The following GRID2 variants were observed in gnomAD, a reference collection of about 807,000 sequenced individuals.
The protein encoded by GRID2 is glutamate receptor ionotropic, delta-2.
GRID2 carries 33 observed loss-of-function variants against 114.8 expected under a neutral mutation model. That is an observed-to-expected ratio of 0.29 (90% confidence interval 0.22 to 0.38). The LOEUF is 0.38. GRID2 is among the 10% of genes least tolerant of loss of function. The pLI is 1.00. For missense variants in GRID2, 1,184 were observed against 1,257.7 expected, an observed-to-expected ratio of 0.94 and a Z score of 0.89; for synonymous variants, 505 against 449.9, an observed-to-expected ratio of 1.12 and a Z score of -1.55.
chr4:92,774,821 T>G (rs540146092), intron 2 of GRID2, among the ~76,000 whole-genome samples: 1 of 152,136 alleles, frequency 6.6e-6, no homozygotes, highest in South Asian at 2.1e-4. Context: ...GTCTCAAACC[T>G]CTGGGCTCAA....
At chr4:93,150,093 T>A (rs545638715) in intron 4 of GRID2, among the ~76,000 whole-genome samples, 1 of 152,220 alleles carries the variant, frequency 6.6e-6, no homozygotes, top group African/African-American at 2.4e-5. Context: ...GCTAGAAAAA[T>A]ATTTTTTTAA....
At chr4:92,832,617 A>C (rs1046976121) in intron 2 of GRID2, among the ~76,000 whole-genome samples, 4 of 151,936 alleles carry the variant, frequency 2.6e-5, no homozygotes, top group African/African-American at 7.3e-5. Flanking sequence ...TGGTCTCAAA[A>C]TCCCGACCTC....
chr4:92,641,860 A>C (rs1731371902), intron 2 of GRID2, among the ~76,000 whole-genome samples: 1 of 149,468 alleles, frequency 6.7e-6, no homozygotes, highest in Non-Finnish European at 1.5e-5. Context: ...TTTTCCTTCC[A>C]CTTATAAATG....
chr4:92,610,238 G>A (rs562103881), intron 2 of GRID2, among the ~76,000 whole-genome samples: 53 of 151,690 alleles, frequency 3.5e-4, no homozygotes, highest in Non-Finnish European at 5.8e-4. Flanking sequence ...GTTTTACCAG[G>A]CAGATGGGGA....
At chr4:93,632,373 C>A (rs1280819694) in intron 14 of GRID2, among the ~76,000 whole-genome samples, 1 of 152,122 alleles carries the variant, frequency 6.6e-6, no homozygotes, top group African/African-American at 2.4e-5. Context: ...GTCTTTGATC[C>A]ATCTTGAATG....
At chr4:92,630,352 A>G (rs1730742764) in intron 2 of GRID2, among the ~76,000 whole-genome samples, 1 of 152,112 alleles carries the variant, frequency 6.6e-6, no homozygotes. Context: ...AACTTCTTAT[A>G]TCTCAGTTAT....
At chr4:92,935,109 A>G (rs1461047980) in intron 2 of GRID2, among the ~76,000 whole-genome samples, 1 of 146,598 alleles carries the variant, frequency 6.8e-6, no homozygotes, top group African/African-American at 2.4e-5. Context: ...GCAACCTACA[A>G]AATGGGAGAA....
At chr4:93,718,203 G>A (rs1560939585) in intron 14 of GRID2, among the ~76,000 whole-genome samples, 1 of 152,240 alleles carries the variant, frequency 6.6e-6, no homozygotes, top group East Asian at 1.9e-4. Context: ...ATGTGTACTT[G>A]TATATATACC....
intron 13 of GRID2, among the ~76,000 whole-genome samples, chr4:93,531,901 A>G (rs534195992): frequency 1.3e-5 from 2 of 152,202 alleles, no homozygotes; most frequent in East Asian, 3.9e-4. Context: ...ATTTTACCAC[A>G]TTTTAGAAGA....
At chr4:93,671,848 T>G (rs1488559109) in intron 14 of GRID2, among the ~76,000 whole-genome samples, 1 of 151,774 alleles carries the variant, frequency 6.6e-6, no homozygotes, top group Non-Finnish European at 1.5e-5. Context: ...TGGTGGCATA[T>G]GACTGTAGTC....
At chr4:92,880,405 C>T (rs762013544) in intron 2 of GRID2, among the ~76,000 whole-genome samples, 1 of 151,952 alleles carries the variant, frequency 6.6e-6, no homozygotes, top group Non-Finnish European at 1.5e-5. Context: ...TCTCAGTGAA[C>T]AAATTTTTTT....
At chr4:92,457,647 C>T (rs1721283224) in intron 1 of GRID2, among the ~76,000 whole-genome samples, 1 of 152,012 alleles carries the variant, frequency 6.6e-6, no homozygotes, top group Non-Finnish European at 1.5e-5. Flanking sequence ...TACAGCATCA[C>T]CTATGGGACA....
At chr4:93,280,027 G>A (rs557642458) in intron 8 of GRID2, among the ~76,000 whole-genome samples, 4 of 152,026 alleles carry the variant, frequency 2.6e-5, no homozygotes, top group East Asian at 1.9e-4. Flanking sequence ...TGTTTGGCAG[G>A]GAGCTATGAA....
intron 14 of GRID2, among the ~76,000 whole-genome samples, chr4:93,676,974 G>T (rs901654237): frequency 2.6e-5 from 4 of 152,032 alleles, no homozygotes; most frequent in Non-Finnish European, 5.9e-5. Context: ...GCAGGACGAG[G>T]CATTGCCTCA....
chr4:93,662,429 C>G (rs1372256305), intron 14 of GRID2, among the ~76,000 whole-genome samples: 1 of 152,160 alleles, frequency 6.6e-6, no homozygotes, highest in Non-Finnish European at 1.5e-5. Context: ...ATGCCCAGTA[C>G]CTAAAACAGT....
chr4:92,927,420 A>G (rs1254531467), intron 2 of GRID2, among the ~76,000 whole-genome samples: 2 of 151,810 alleles, frequency 1.3e-5, no homozygotes, highest in African/African-American at 4.8e-5. Flanking sequence ...GTGTGTCAGC[A>G]TTTTCTTGTG....
intron 1 of GRID2, among the ~76,000 whole-genome samples, chr4:92,486,033 C>T (rs534490129): frequency 8.4e-4 from 127 of 151,848 alleles, no homozygotes; most frequent in Non-Finnish European, 9.3e-4. Context: ...CTCATTAACA[C>T]TCAAATTAGA....
chr4:92,365,125 A>G (rs960534211), intron 1 of GRID2, among the ~76,000 whole-genome samples: 2 of 152,012 alleles, frequency 1.3e-5, no homozygotes, highest in Non-Finnish European at 2.9e-5. Context: ...AATCCAGCAA[A>G]TCCATCTCTT....
At chr4:92,883,585 G>C (rs879761426) in intron 2 of GRID2, among the ~76,000 whole-genome samples, 1 of 152,116 alleles carries the variant, frequency 6.6e-6, no homozygotes, top group Non-Finnish European at 1.5e-5. Context: ...TAAATAATGA[G>C]ACTGAAAGTT....
Sources: gnomAD v4.1 joint callset for allele counts (sites outside exome capture counted in the v4.1 genomes callset) on GRCh38, gnomAD v4.1.1 for gene constraint, MANE v1.5 for transcripts, NCBI Gene and HGNC (gene_info 2026-07-23, HGNC 2026-07-21) for gene names.